The following ARHGAP10 variants were observed in gnomAD, a reference collection of about 807,000 sequenced individuals.
ARHGAP10 encodes the protein Rho GTPase activating protein 10.
Under a neutral mutation model 108.6 loss-of-function variants are expected in ARHGAP10, and 87 were observed. The observed-to-expected ratio is 0.80, with a 90% confidence interval of 0.67 to 0.96. ARHGAP10 has a LOEUF of 0.96. Among genes scored for constraint, ARHGAP10 ranks in the 40% least tolerant of loss-of-function variants. ARHGAP10 has a pLI of 0.00. For synonymous variants in ARHGAP10, 347 were observed against 341.1 expected, an observed-to-expected ratio of 1.02 and a Z score of -0.19; for missense variants, 939 against 954.5, an observed-to-expected ratio of 0.98 and a Z score of 0.21.
At chr4:147,772,503 A>G (rs973061243) in intron 1 of ARHGAP10, among the ~76,000 whole-genome samples, 13 of 152,354 alleles carry the variant, frequency 8.5e-5, no homozygotes, top group South Asian at 4.1e-4. Flanking sequence ...TTATTGACTT[A>G]ATGTTCTAGC....
intron 1 of ARHGAP10, among the ~76,000 whole-genome samples, chr4:147,761,644 T>G (rs993161727): frequency 6.6e-6 from 1 of 152,236 alleles, no homozygotes; most frequent in Non-Finnish European, 1.5e-5. Flanking sequence ...GCATTTAAAT[T>G]TACTCTCCAT....
chr4:147,744,341 GC>G (rs1220490561), intron 1 of ARHGAP10, among the ~76,000 whole-genome samples: 5 of 151,822 alleles, frequency 3.3e-5, no homozygotes, highest in Admixed American at 3.3e-4. Flanking sequence ...GCTCAGGTGG[GC>G]CAGGGAATCT....
intron 1 of ARHGAP10, among the ~76,000 whole-genome samples, chr4:147,774,684 C>T (rs1730216074): frequency 6.6e-6 from 1 of 152,144 alleles, no homozygotes; most frequent in Non-Finnish European, 1.5e-5. Context: ...GTATAAAATT[C>T]AAATAATGCT....
chr4:148,064,348 TG>T, intron 21 of ARHGAP10, 67 bp from the exon 22 acceptor site: 7 of 1,417,996 alleles, frequency 4.9e-6, no homozygotes, highest in Non-Finnish European at 6.8e-6. Context: ...GAAGGGGGGT[TG>T]GGGGGTGAAG....
At chr4:147,857,403 G>A in intron 4 of ARHGAP10, 150 bp from the exon 5 acceptor site, 2 of 719,140 alleles carry the variant, frequency 2.8e-6, no homozygotes, top group Non-Finnish European at 3.9e-6. Context: ...AGTAGGCTTG[G>A]TACAGATATG....
At chr4:148,052,827 G>A (rs1307310202) in intron 20 of ARHGAP10, among the ~76,000 whole-genome samples, 3 of 152,124 alleles carry the variant, frequency 2.0e-5, no homozygotes, top group Non-Finnish European at 4.4e-5. Flanking sequence ...TGAACAGGAG[G>A]AACATGCTGC....
chr4:147,788,707 G>A (rs1488506584), intron 1 of ARHGAP10, among the ~76,000 whole-genome samples: 1 of 152,166 alleles, frequency 6.6e-6, no homozygotes, highest in Non-Finnish European at 1.5e-5. Context: ...TGATATCCAT[G>A]CTTGATCTCT....
intron 17 of ARHGAP10, among the ~76,000 whole-genome samples, chr4:147,965,588 T>A (rs1357941428): frequency 6.6e-6 from 1 of 152,200 alleles, no homozygotes; most frequent in Non-Finnish European, 1.5e-5. Flanking sequence ...TCTTTAAGTA[T>A]AGAGATCATT....
At chr4:147,796,251 A>G (rs576462336) in intron 1 of ARHGAP10, among the ~76,000 whole-genome samples, 121 of 152,360 alleles carry the variant, frequency 7.9e-4, no homozygotes, top group African/African-American at 2.7e-3. Flanking sequence ...CAATAGGGAT[A>G]GAAAGATGAA....
rs908268011 is a variant in ARHGAP10, at chr4:147,875,056, G to A, written c.738G>A (p.Val246=). Residue 246 remains valine, a synonymous_variant, in exon 8 of 23, where the codon GTG becomes GTA. Coordinates refer to ENST00000336498, the MANE Select transcript of ARHGAP10 (RefSeq NM_024605.4). ...GATTTGAAGGAACAAGGTCAGAAGT[G>A]GAAGAGCTCATGAACAAAATCAGAC... ...RNRFEGTRSE[V]EELMNKIRQN... is the part of the protein sequence containing the mutation. 5.0e-6 allele frequency: 8 copies of A among 1,607,452 alleles called. No homozygotes were observed. In the Admixed American group the frequency reaches 1.0e-4, roughly 21 times the overall value.
intron 7 of ARHGAP10, among the ~76,000 whole-genome samples, chr4:147,867,041 G>A (rs1303644852): frequency 6.6e-6 from 1 of 152,076 alleles, no homozygotes; most frequent in Non-Finnish European, 1.5e-5. Context: ...TGCAGTTTCT[G>A]GGTCAATTCT....
chr4:147,810,239 C>A (rs1316225778), intron 1 of ARHGAP10, among the ~76,000 whole-genome samples: 1 of 152,200 alleles, frequency 6.6e-6, no homozygotes, highest in Non-Finnish European at 1.5e-5. Context: ...AGTTGGCCAT[C>A]TGGCAAAAAC....
At chr4:147,767,263 T>C (rs1055619972) in intron 1 of ARHGAP10, among the ~76,000 whole-genome samples, 4 of 152,200 alleles carry the variant, frequency 2.6e-5, no homozygotes, top group African/African-American at 9.7e-5. Context: ...CATTCTTTTC[T>C]TTCTCAAAGG....
intron 10 of ARHGAP10, among the ~76,000 whole-genome samples, chr4:147,905,894 T>C (rs1023780531): frequency 8.5e-5 from 13 of 152,112 alleles, no homozygotes; most frequent in Non-Finnish European, 1.6e-4. Context: ...TTGTTTGTAT[T>C]CTCTTTTCTT....
At chr4:147,795,153 G>A (rs565979965) in intron 1 of ARHGAP10, among the ~76,000 whole-genome samples, 1 of 152,216 alleles carries the variant, frequency 6.6e-6, no homozygotes, top group South Asian at 2.1e-4. Flanking sequence ...CACCATCATA[G>A]CTCACTGCAG....
Position 148,017,652 on chromosome 4 carries a change from CTATATATATATATATA to C in ARHGAP10, c.1717-5595_1717-5580del, listed in dbSNP as rs35472561. On this transcript the variant is annotated intron_variant, in intron 18 of 22. Coordinates refer to ENST00000336498, the MANE Select transcript of ARHGAP10 (RefSeq NM_024605.4). ...AGCTGTGACAGTTATGAGCCAGTAA[CTATATATATATATATA>C]TATATATATATATATGTGTGTGTAT... is the stretch of plus-strand genomic sequence containing the variant. 1.2e-3 allele frequency among the ~76,000 whole-genome samples: 124 copies of C among 105,318 alleles called. 2 individuals are homozygous for C. The highest frequency in any genetic ancestry group is 3.9e-3 in the Admixed American group (40 of 10,338). The allele number at this position is 105,318 out of a possible 152,430, so 69.1% of individuals were successfully genotyped here.
intron 12 of ARHGAP10, among the ~76,000 whole-genome samples, chr4:147,912,027 GTGTGTGTGTGTGTA>G (rs1560822712): frequency 1.4e-5 from 2 of 144,826 alleles, no homozygotes; most frequent in East Asian, 2.0e-4. Flanking sequence ...GTGTGTGTGT[GTGTGTGTGTGTGTA>G]TAGTTTTCTT....
intron 19 of ARHGAP10, among the ~76,000 whole-genome samples, chr4:148,043,147 GAGAA>G (rs1265050697): frequency 1.3e-5 from 2 of 152,214 alleles, no homozygotes; most frequent in Non-Finnish European, 2.9e-5. Flanking sequence ...AGACAGCTCT[GAGAA>G]AGGAGAAAAG....
At chr4:147,844,808 G>A (rs1436302374) in intron 3 of ARHGAP10, among the ~76,000 whole-genome samples, 1 of 152,130 alleles carries the variant, frequency 6.6e-6, no homozygotes, top group Non-Finnish European at 1.5e-5. Flanking sequence ...CACTCTAGAA[G>A]CCTCCTAACG....
Sources: allele counts gnomAD v4.1 joint callset (sites outside exome capture counted in the v4.1 genomes callset), GRCh38; gene constraint gnomAD v4.1.1; transcripts MANE v1.5; gene names NCBI Gene and HGNC (gene_info 2026-07-23, HGNC 2026-07-21).